PRELID2: variants seen among roughly 807,000 people sequenced by gnomAD.
The protein encoded by PRELID2 is PRELI domain-containing protein 2.
PRELID2 carries 25 observed loss-of-function variants against 28.4 expected under a neutral mutation model. That is an observed-to-expected ratio of 0.88 (90% CI 0.64 to 1.23). The LOEUF (loss-of-function observed/expected upper bound fraction) is 1.23. PRELID2 is among the 50% of genes most tolerant of loss of function. PRELID2 has a pLI of 0.00. For missense variants in PRELID2, 201 were observed against 214.4 expected (o/e 0.94, Z 0.39); for synonymous variants, 76 against 71.6 (o/e 1.06, Z -0.31).
chr5:145,349,075 C>T, the PRELID2 span, among the ~76,000 whole-genome samples: 26 of 152,014 alleles, frequency 1.7e-4, no homozygotes, highest in Non-Finnish European at 3.7e-4. Context: ...CTTTTTTGAC[C>T]TATGTCTTTG....
chr5:145,741,101 T>C (rs1756705630), intron 1 of PRELID2, among the ~76,000 whole-genome samples: 1 of 118,146 alleles, frequency 8.5e-6, no homozygotes. Context: ...ATACATATTT[T>C]ATGCTTTACA....
At chr5:145,797,227 G>A (rs550856406) in intron 4 of PRELID2, among the ~76,000 whole-genome samples, 1 of 152,240 alleles carries the variant, frequency 6.6e-6, no homozygotes, top group Non-Finnish European at 1.5e-5. Context: ...ATTACCCTGA[G>A]AGACAATGAC....
intron 1 of PRELID2, among the ~76,000 whole-genome samples, chr5:145,661,684 AAAAAAC>A (rs1243327532): frequency 0.026 from 4,001 of 151,240 alleles, 168 homozygotes; most frequent in African/African-American, 0.088. Flanking sequence ...AAAAAAAAAA[AAAAAAC>A]ATGTTATGCT....
the PRELID2 span, among the ~76,000 whole-genome samples, chr5:145,413,808 G>A: frequency 1.3e-5 from 2 of 151,824 alleles, no homozygotes; most frequent in Non-Finnish European, 2.9e-5. Flanking sequence ...TTGTCTTTCT[G>A]TTTTACTTCT....
At chr5:145,736,986 T>C (rs1217290925) in intron 1 of PRELID2, among the ~76,000 whole-genome samples, 3 of 152,138 alleles carry the variant, frequency 2.0e-5, no homozygotes, top group East Asian at 3.9e-4. Flanking sequence ...AACAATTTTA[T>C]TTTGGGAATT....
At chr5:145,300,192 T>C in the PRELID2 span, among the ~76,000 whole-genome samples, 518 of 152,292 alleles carry the variant, frequency 3.4e-3, 1 homozygote, top group African/African-American at 0.012. Context: ...TCCTTTTAAA[T>C]AAACTGGTGA....
At chr5:145,368,309 G>C in the PRELID2 span, among the ~76,000 whole-genome samples, 1 of 151,794 alleles carries the variant, frequency 6.6e-6, no homozygotes, top group Non-Finnish European at 1.5e-5. Flanking sequence ...TTTCTGGTTG[G>C]CTGAAAAAAA....
intron 1 of PRELID2, among the ~76,000 whole-genome samples, chr5:145,505,074 G>A (rs1047141178): frequency 1.1e-4 from 17 of 152,108 alleles, no homozygotes; most frequent in African/African-American, 3.9e-4. Flanking sequence ...CATACAGAAT[G>A]TTTCCAAGCA....
intron 1 of PRELID2, among the ~76,000 whole-genome samples, chr5:145,673,740 T>C (rs1754757674): frequency 6.6e-6 from 1 of 151,896 alleles, no homozygotes; most frequent in African/African-American, 2.4e-5. Context: ...AAAAAATGGA[T>C]CTATAAATAA....
the PRELID2 span, among the ~76,000 whole-genome samples, chr5:145,368,991 G>C: frequency 1.3e-5 from 2 of 151,644 alleles, no homozygotes; most frequent in Admixed American, 6.6e-5. Context: ...ATAGGCCCCA[G>C]TGTGTGTTGT....
chr5:145,656,581 C>G (rs566904126), intron 1 of PRELID2, among the ~76,000 whole-genome samples: 3 of 152,074 alleles, frequency 2.0e-5, no homozygotes, highest in East Asian at 1.9e-4. Context: ...CATAAAAAAT[C>G]ATGAGTTCAT....
At position 145,817,913 on chromosome 5, in the gene PRELID2, T is replaced by C; in HGVS notation, c.349A>G (p.Ser117Gly). The C allele has an allele frequency of 1.3e-6, 2 of 1,553,288 alleles. No homozygotes were observed. The highest frequency in any genetic ancestry group is 1.2e-5 in the South Asian group (1 of 80,248). The stretch of plus-strand genomic sequence containing the variant: ...TCTTACCAATTTGGGTTTTCCATAC[T>C]TTCCCGGAAGACAGACTCTTCCTTC... ...SMKEESVFRESMENPNWTEFI... is the reference protein window; with the variant it reads ...SMKEESVFREGMENPNWTEFI... Residue 117 changes from serine to glycine, a missense_variant, in exon 4 of 7, where the codon AGT becomes GGT. Ser to Gly is a moderately conservative substitution (Grantham distance 56). Coordinates refer to ENST00000683046, the MANE Select transcript of PRELID2 (RefSeq NM_205846.3).
chr5:145,563,787 G>T (rs1162568452), intron 1 of PRELID2, among the ~76,000 whole-genome samples: 1 of 152,188 alleles, frequency 6.6e-6, no homozygotes, highest in East Asian at 1.9e-4. Context: ...GAACAAATGA[G>T]GAGGTGTTGG....
chr5:145,741,407 A>T (rs1275651073), intron 1 of PRELID2, among the ~76,000 whole-genome samples: 3 of 100,808 alleles, frequency 3.0e-5, no homozygotes, highest in East Asian at 3.2e-4. Flanking sequence ...TATAAACAAA[A>T]TTTATTTATA....
At chr5:145,409,684 C>T in the PRELID2 span, among the ~76,000 whole-genome samples, 14 of 145,520 alleles carry the variant, frequency 9.6e-5, 1 homozygote, top group African/African-American at 3.1e-4. Flanking sequence ...AAGGGCAAGG[C>T]GGGTGGAACA....
At chr5:145,483,163 C>T (rs944400374) in intron 1 of PRELID2, among the ~76,000 whole-genome samples, 13 of 152,066 alleles carry the variant, frequency 8.5e-5, no homozygotes, top group Admixed American at 1.3e-4. Flanking sequence ...GTGTTCACAC[C>T]CTGTACGATG....
chr5:145,546,359 T>C lies in PRELID2; in HGVS notation n.71-73044A>G, dbSNP rs1752788091. On this transcript the variant is annotated intron_variant and non_coding_transcript_variant, in intron 1 of 2. Coordinates refer to the PRELID2 transcript ENST00000510259. ...TCAGAGAAAACTCAAAATTAAACTA[T>C]AAGTAATTAAATATCATCTTCAAGA... 2.0e-5 allele frequency among the ~76,000 whole-genome samples: 3 copies of C among 152,216 alleles called. No individual in the cohort carries two copies. The South Asian group carries it at 6.2e-4, about 32-fold the overall frequency.
At chr5:145,815,857 A>G (rs1275727880) in intron 4 of PRELID2, among the ~76,000 whole-genome samples, 1 of 152,124 alleles carries the variant, frequency 6.6e-6, no homozygotes, top group Non-Finnish European at 1.5e-5. Flanking sequence ...TAATGCTATG[A>G]AAGTTTTGTA....
chr5:145,418,499 T>A, the PRELID2 span, among the ~76,000 whole-genome samples: 266 of 152,264 alleles, frequency 1.7e-3, 1 homozygote, highest in Non-Finnish European at 1.4e-3. Context: ...ACTACAGGGC[T>A]ACAGTAACCA....
Sources: gnomAD v4.1 joint callset for allele counts (sites outside exome capture counted in the v4.1 genomes callset) on GRCh38, gnomAD v4.1.1 for gene constraint, MANE v1.5 for transcripts, NCBI Gene and HGNC (gene_info 2026-07-23, HGNC 2026-07-21) for gene names.